ATG9A: variants seen among roughly 807,000 people sequenced by gnomAD.
The protein encoded by ATG9A is autophagy-related protein 9A.
In ATG9A, 21 loss-of-function variants were observed where a neutral mutation model predicts 87.1. The observed-to-expected ratio is 0.24, with a 90% CI of 0.17 to 0.35. The LOEUF is 0.35. ATG9A is among the 10% of genes least tolerant of loss of function. The probability of loss-of-function intolerance (pLI) is 1.00; values close to 1 mark genes in which losing one functional copy is unlikely to be tolerated. For missense variants in ATG9A, 836 were observed against 1,107.3 expected, an observed-to-expected ratio of 0.76 and a Z score of 3.48; for synonymous variants, 422 against 441.3, an observed-to-expected ratio of 0.96 and a Z score of 0.55.
chr2:219,222,033 T>A lies in ATG9A; in HGVS notation c.2145+17A>T. On this transcript the variant is annotated intron_variant, in intron 13 of 15. Coordinates refer to ENST00000361242, the MANE Select transcript of ATG9A (RefSeq NM_001077198.3). This position sits in a 1 kb window ranked among gnomAD's most constrained non-coding sequence, Gnocchi z 4.3. ...CGCATCTAAACCCTCTACTCTCTTT[T>A]TTAGCTGTGCACTCACCTGGTGCAT... is the stretch of plus-strand genomic sequence containing the variant. 6.2e-7 allele frequency: 1 copy of A among 1,608,096 alleles called. No individual in the cohort carries two copies. Among genetic ancestry groups the A allele is most frequent in the Non-Finnish European group, 8.5e-7 (1 of 1,176,064 alleles).
In ATG9A at chr2:219,220,349, C is replaced by G. The variant is rs1005054272; in HGVS notation, c.*98G>C. On this transcript the variant is annotated 3_prime_UTR_variant, in exon 16 of 16. Coordinates refer to ENST00000361242, the MANE Select transcript of ATG9A (RefSeq NM_001077198.3). The stretch of plus-strand genomic sequence containing the variant: ...CACACAAACACCACACACGTGGGGC[C>G]AGGGAACACTCAGAGGAGCCGTCCC... The G allele has an allele frequency of 3.1e-5, 46 of 1,490,110 alleles. No homozygotes were observed. Among genetic ancestry groups the G allele is most frequent in the Middle Eastern group, 4.2e-4 (2 of 4,756 alleles). 92.3% of individuals were successfully genotyped at this position (1,490,110 alleles called of 1,614,324 possible). A position where few individuals can be genotyped will look rare whatever the true frequency, so the allele number is the denominator to read the frequency against.
intron 7 of ATG9A, 37 bp downstream of exon 7, chr2:219,225,034 T>G (rs377360716): frequency 1.9e-6 from 3 of 1,613,046 alleles, no homozygotes. Flanking sequence ...CAATACGTCT[T>G]AGACTATGGG....
rs1420375799 is a variant in ATG9A, at chr2:219,229,394, C to T, written c.-82+141G>A. 1 of 151,982 alleles carries T rather than the reference C, an allele frequency of 6.6e-6. No homozygotes were observed. Among genetic ancestry groups the T allele is most frequent in the Non-Finnish European group, 1.5e-5 (1 of 67,868 alleles). The allele number at this position is 151,982 out of a possible 1,614,324, so 9.4% of individuals were successfully genotyped here. A position where few individuals can be genotyped will look rare whatever the true frequency, so the allele number is the denominator to read the frequency against. On this transcript the variant is annotated intron_variant, in intron 1 of 15. Coordinates refer to ENST00000361242, the MANE Select transcript of ATG9A (RefSeq NM_001077198.3). The surrounding 1 kb of genome is among the most constrained non-coding windows in gnomAD (Gnocchi z 4.2). ...CGTCTGCGCGCGCCAGCAATCAAAA[C>T]ATTCCGGCTGCGCGCCCCCGCCCCG...
rs1218518895 is a variant in ATG9A, at chr2:219,223,747, C to T, written c.1437G>A (p.Glu479=). The T allele has an allele frequency of 6.2e-7, 1 of 1,612,836 alleles. No individual in the cohort carries two copies. The highest frequency in any genetic ancestry group is 1.3e-5 in the African/African-American group (1 of 74,836). Residue 479 remains glutamate, a synonymous_variant, in exon 10 of 16, where the codon GAG becomes GAA. Transcript: ENST00000361242. The surrounding 1 kb of genome is among the most constrained non-coding windows in gnomAD (Gnocchi z 4.7). ...GGGGTGTGACAATGGGGCTCAGCAA[C>T]TCTTCCAAAATGAACACCTAAAAGG... is the stretch of plus-strand genomic sequence containing the variant. ...FQYKAVFILE[E]LLSPIVTPLI...
In ATG9A at chr2:219,220,737, G is replaced by C; in HGVS notation, c.2514+10C>G. 1 of 1,610,508 alleles carries C rather than the reference G, an allele frequency of 6.2e-7. No homozygotes were observed. The highest frequency in any genetic ancestry group is 8.5e-7 in the Non-Finnish European group (1 of 1,178,156). On this transcript the variant is annotated intron_variant, in intron 15 of 15. Coordinates refer to ENST00000361242, the MANE Select transcript of ATG9A (RefSeq NM_001077198.3). ...TTCTGGCAGTTTTTCCTAGGCCCCG[G>C]GGCCCTTACCTTGTGCACCTGAGGG...
rs1309778168 is a variant in ATG9A at position 219,222,028 on chromosome 2, T to A, written c.2145+22A>T. The A allele has an allele frequency of 6.2e-7, 1 of 1,604,556 alleles. No individual in the cohort carries two copies. Among genetic ancestry groups the A allele is most frequent in the Non-Finnish European group, 8.5e-7 (1 of 1,173,556 alleles). ...TTCTCCGCATCTAAACCCTCTACTC[T>A]CTTTTTTAGCTGTGCACTCACCTGG... On this transcript the variant is annotated intron_variant, in intron 13 of 15. Transcript: ENST00000361242. The surrounding 1 kb of genome is among the most constrained non-coding windows in gnomAD (Gnocchi z 4.3).
At chr2:219,221,883 G>A (rs1014076268) in intron 13 of ATG9A, among the ~76,000 whole-genome samples, 167 bp downstream of exon 13, 1 of 152,200 alleles carries the variant, frequency 6.6e-6, no homozygotes, top group African/African-American at 2.4e-5. Context: ...GAAACTGCGA[G>A]TGTGTGAAGG....
intron 2 of ATG9A, 46 bp from the exon 3 acceptor site, chr2:219,228,099 T>A: frequency 1.3e-5 from 17 of 1,357,348 alleles, no homozygotes; most frequent in Non-Finnish European, 1.8e-5. Flanking sequence ...TTCCAGCTGC[T>A]GCCCATGGGC....
At position 219,222,093 on chromosome 2, in the gene ATG9A, T is replaced by C. The variant is rs1479543997; in HGVS notation, c.2102A>G (p.Tyr701Cys). ...ATGCAGGCTCATCTCTGTGGATGCA[T>C]ATTCTGACAGCACCAGGCTCTGCAG... is the stretch of plus-strand genomic sequence containing the variant. ...GQLQSLVLSEYASTEMSLHAL... is the reference protein window; with the variant it reads ...GQLQSLVLSECASTEMSLHAL... Residue 701 changes from tyrosine to cysteine, a missense_variant, in exon 13 of 16, where the codon TAT becomes TGT. By Grantham distance (194) the Tyr-to-Cys change is radical. Transcript: ENST00000361242. This position sits in a 1 kb window ranked among gnomAD's most constrained non-coding sequence, Gnocchi z 4.3. The C allele has an allele frequency of 2.5e-6, 4 of 1,614,088 alleles. No homozygotes were observed. Among genetic ancestry groups the C allele is most frequent in the Non-Finnish European group, 3.4e-6 (4 of 1,180,024 alleles).
Position 219,220,222 on chromosome 2 carries a change from G to T in ATG9A, c.*225C>A. 1.8e-6 allele frequency: 1 copy of T among 557,564 alleles called. No individual in the cohort carries two copies. Among genetic ancestry groups the T allele is most frequent in the Non-Finnish European group, 3.2e-6 (1 of 314,690 alleles). 34.5% of individuals were successfully genotyped at this position (557,564 alleles called of 1,614,324 possible). On this transcript the variant is annotated 3_prime_UTR_variant, in exon 16 of 16. Coordinates refer to ENST00000361242, the MANE Select transcript of ATG9A (RefSeq NM_001077198.3). ...CACTCTGAGCCAAGGGGGTCCTGGG[G>T]ATGAGGCTAGAGTCCCGTGTGCCCT... is the stretch of plus-strand genomic sequence containing the variant.
Position 219,226,908 on chromosome 2 carries a change from C to A in ATG9A, c.173G>T (p.Gly58Val). The change falls in exon 5 of 16, where the codon GGC (glycine) becomes GTC (valine). Residue 58 changes from glycine to valine, a missense_variant. Gly to Val is a moderately radical substitution (Grantham distance 109). Transcript: ENST00000361242. ...SRVYNLHQKNGFTCMLIGEIF... is the reference protein window; with the variant it reads ...SRVYNLHQKNVFTCMLIGEIF... ...CTCCCCGATGAGCATACATGTGAAG[C>A]CATTCTTCTGGTGCAGATTATAAAC... 6.2e-7 allele frequency: 1 copy of A among 1,613,790 alleles called. No homozygotes were observed. Among genetic ancestry groups the A allele is most frequent in the Non-Finnish European group, 8.5e-7 (1 of 1,179,654 alleles).
rs1181728965 is a variant in ATG9A at position 219,228,062 on chromosome 2, A to G, written c.-29-9T>C. 3 of 1,562,740 alleles carry G rather than the reference A, an allele frequency of 1.9e-6. No homozygotes were observed. Among genetic ancestry groups the G allele is most frequent in the Non-Finnish European group, 2.6e-6 (3 of 1,139,272 alleles). On this transcript the variant is annotated splice_polypyrimidine_tract_variant and intron_variant, in intron 2 of 15. Transcript: ENST00000361242. ...CTGTCCACCTTGACCACCTGCCAAT[A>G]AGGAGGAAGAAGAGACCCTGATTCA...
At chr2:219,221,663 G>A (rs1271784431) in intron 13 of ATG9A, among the ~76,000 whole-genome samples, 2 of 152,134 alleles carry the variant, frequency 1.3e-5, no homozygotes, top group East Asian at 1.9e-4. Context: ...AGGAGATATG[G>A]AATAAGCAAA....
At chr2:219,226,781 C>T in intron 5 of ATG9A, 88 bp downstream of exon 5, 3 of 1,242,056 alleles carry the variant, frequency 2.4e-6, no homozygotes, top group Non-Finnish European at 3.6e-6. Flanking sequence ...CTGAGTTGTA[C>T]TGGCAGGTTG....
Position 219,222,135 on chromosome 2 carries a change from C to T in ATG9A, c.2060G>A (p.Ser687Asn). The change falls in exon 13 of 16, where the codon AGC becomes AAC. Residue 687 changes from serine (S) to asparagine (N), a missense_variant. By Grantham distance (46) the Ser-to-Asn change is conservative (BLOSUM62 1). Transcript: ENST00000361242. This position sits in a 1 kb window ranked among gnomAD's most constrained non-coding sequence, Gnocchi z 4.3. ...VDARTASSGS[S>N]VWEGQLQSLV... ...GCTCTGCAGCTGTCCTTCCCACACG[C>T]TGCTCCCGGAGCTGGCTGTCCTGGC... 6.2e-7 allele frequency: 1 copy of T among 1,614,078 alleles called. No homozygotes were observed. The highest frequency in any genetic ancestry group is 1.6e-4 in the Middle Eastern group (1 of 6,062).
rs1950806147 is a variant in ATG9A at position 219,223,533 on chromosome 2, C to A, written c.1599+52G>T. The A allele has an allele frequency of 7.8e-6, 12 of 1,535,260 alleles. No homozygotes were observed. The highest frequency in any genetic ancestry group is 9.6e-6 in the Non-Finnish European group (11 of 1,141,014). Reference sequence around the variant, plus strand: ...TCTTTTTGCGGTTTTCCCAAAGACACTGTATGTTCCAGCATCATCCCAGGC... The same window carrying A: ...TCTTTTTGCGGTTTTCCCAAAGACAATGTATGTTCCAGCATCATCCCAGGC... On this transcript the variant is annotated intron_variant, in intron 10 of 15. Transcript: ENST00000361242. This position sits in a 1 kb window ranked among gnomAD's most constrained non-coding sequence, Gnocchi z 4.7.
rs780952055 is a variant in ATG9A at position 219,222,024 on chromosome 2, A to C, written c.2145+26T>G. On this transcript the variant is annotated intron_variant, in intron 13 of 15. Transcript: ENST00000361242. The surrounding 1 kb of genome is among the most constrained non-coding windows in gnomAD (Gnocchi z 4.3). ...TTGCTTCTCCGCATCTAAACCCTCT[A>C]CTCTCTTTTTTAGCTGTGCACTCAC... 6.3e-7 allele frequency: 1 copy of C among 1,599,740 alleles called. No individual in the cohort carries two copies. The highest frequency in any genetic ancestry group is 8.5e-7 in the Non-Finnish European group (1 of 1,169,972).
chr2:219,224,920 C>T lies in ATG9A; in HGVS notation c.517-66G>A. 1 of 1,588,376 alleles carries T rather than the reference C, an allele frequency of 6.3e-7. No individual in the cohort carries two copies. Among genetic ancestry groups the T allele is most frequent in the Non-Finnish European group, 8.6e-7 (1 of 1,164,004 alleles). ...GGGTTGTTGCCTCGACCCCTTTGCC[C>T]TATATTAGAAGTGAGATTCAGGGGT... On this transcript the variant is annotated intron_variant, in intron 7 of 15. Coordinates refer to ENST00000361242, the MANE Select transcript of ATG9A (RefSeq NM_001077198.3). The surrounding 1 kb of genome is among the most constrained non-coding windows in gnomAD (Gnocchi z 7.7).
At position 219,226,891 on chromosome 2, in the gene ATG9A, T is replaced by C; in HGVS notation, c.190A>G (p.Ile64Val). The change falls in exon 5 of 16, where the codon ATC becomes GTC. Residue 64 changes from isoleucine (I) to valine (V), a missense_variant. This residue lies in a region of ATG9A where 512 missense variants were observed against 759.6 expected (regional missense o/e 0.67). Transcript: ENST00000361242. ...TACATGAGCTCAAAGATCTCCCCGA[T>C]GAGCATACATGTGAAGCCATTCTTC... Reference protein sequence around the residue: ...HQKNGFTCMLIGEIFELMQFL... With the variant: ...HQKNGFTCMLVGEIFELMQFL... 1.2e-6 allele frequency: 2 copies of C among 1,613,674 alleles called. No homozygotes were observed. The highest frequency in any genetic ancestry group is 1.7e-6 in the Non-Finnish European group (2 of 1,179,500).
Sources: allele counts gnomAD v4.1 joint callset (sites outside exome capture counted in the v4.1 genomes callset), GRCh38; gene constraint gnomAD v4.1.1; regional missense constraint gnomAD v4.1.1; non-coding constraint Gnocchi (gnomAD v3.1); transcripts MANE v1.5; gene names NCBI Gene and HGNC (gene_info 2026-07-23, HGNC 2026-07-21).